Variants in KCNMA1 observed in about 807,000 individuals in gnomAD.
KCNMA1 encodes Calcium-activated potassium channel subunit alpha-1.
KCNMA1 carries 29 observed loss-of-function variants against 140.0 expected under a neutral mutation model. The ratio of observed to expected loss-of-function variants is 0.21; its 90% CI spans 0.15 to 0.28. The LOEUF is 0.28. Ranked by LOEUF, KCNMA1 falls within the 10% of genes least tolerant of loss-of-function variation. The pLI is 1.00. For synonymous variants in KCNMA1, 612 were observed against 611.9 expected, an observed-to-expected ratio of 1.00 and a Z score of 0.00; for missense variants, 880 against 1,602.2, an observed-to-expected ratio of 0.55 and a Z score of 7.70.
At chr10:77,502,428 C>T (rs185406010) in intron 1 of KCNMA1, among the ~76,000 whole-genome samples, 1 of 152,308 alleles carries the variant, frequency 6.6e-6, no homozygotes, top group Admixed American at 6.5e-5. Flanking sequence ...TGCCCGAATG[C>T]TCTCATGTTT....
chr10:77,221,179 C>T (rs993453879), intron 3 of KCNMA1, among the ~76,000 whole-genome samples: 1 of 152,178 alleles, frequency 6.6e-6, no homozygotes, highest in Non-Finnish European at 1.5e-5. Flanking sequence ...CATCCAGTTC[C>T]TCTTCCCCTC....
chr10:77,424,725 AACAGAC>A (rs2096939891), intron 1 of KCNMA1, among the ~76,000 whole-genome samples: 1 of 152,204 alleles, frequency 6.6e-6, no homozygotes, highest in Non-Finnish European at 1.5e-5. Flanking sequence ...AAATGGCAGG[AACAGAC>A]TGATTTAATG....
At chr10:76,880,936 TTAA>T (rs1418190715), downstream of KCNMA1, among the ~76,000 whole-genome samples, 2 of 152,228 alleles carry the variant, frequency 1.3e-5, no homozygotes, top group South Asian at 2.1e-4. Context: ...GCCTTATTTC[TTAA>T]TAAGCTTCTT....
At chr10:77,052,918 C>A (rs1106657) in intron 14 of KCNMA1, among the ~76,000 whole-genome samples, 4,314 of 152,248 alleles carry the variant, frequency 0.028, 232 homozygotes, top group East Asian at 0.22. Flanking sequence ...GCCGAAAAAC[C>A]GTATCAAAGT....
intron 3 of KCNMA1, among the ~76,000 whole-genome samples, chr10:77,205,194 A>T (rs1269673811): frequency 3.3e-5 from 5 of 152,194 alleles, no homozygotes; most frequent in Non-Finnish European, 5.9e-5. Flanking sequence ...CACAGAGGTG[A>T]TTGAAGCCCC....
intron 5 of KCNMA1, among the ~76,000 whole-genome samples, chr10:77,167,764 C>T (rs549278278): frequency 1.3e-4 from 19 of 151,788 alleles, no homozygotes; most frequent in Non-Finnish European, 1.9e-4. Context: ...TCTTGTCTCA[C>T]TGCAGCCTCG....
chr10:76,972,158 C>A (rs1225483169), intron 19 of KCNMA1, among the ~76,000 whole-genome samples: 2 of 152,160 alleles, frequency 1.3e-5, no homozygotes, highest in African/African-American at 4.8e-5. Context: ...GAGCAAATAA[C>A]ACGTGTGTGT....
At chr10:77,495,570 T>G (rs775528651) in intron 1 of KCNMA1, among the ~76,000 whole-genome samples, 2 of 152,194 alleles carry the variant, frequency 1.3e-5, no homozygotes, top group Non-Finnish European at 1.5e-5. Flanking sequence ...TTCTCATTCA[T>G]GAAAGGGAGA....
At chr10:77,126,687 C>T (rs529884230) in intron 5 of KCNMA1, among the ~76,000 whole-genome samples, 2 of 151,502 alleles carry the variant, frequency 1.3e-5, no homozygotes, top group Admixed American at 6.6e-5. Flanking sequence ...TCACCTGGGG[C>T]TACATCCCCT....
chr10:77,262,909 T>C lies in KCNMA1; in HGVS notation c.541-11653A>G, dbSNP rs147233405. Among the ~76,000 whole-genome samples, 358 of 152,262 alleles carry C rather than the reference T, an allele frequency of 2.4e-3. 3 individuals are homozygous for C. The highest frequency in any genetic ancestry group is 8.2e-3 in the African/African-American group (339 of 41,548). On this transcript the variant is annotated intron_variant, in intron 2 of 27. Coordinates refer to ENST00000286628, the MANE Select transcript of KCNMA1 (RefSeq NM_001161352.2). ...TGGCAATGCAAATAACTAGTACAGA[T>C]AGTGATGATGATTGCACAATGTGAA...
At chr10:77,083,654 C>T (rs1300076968) in intron 12 of KCNMA1, among the ~76,000 whole-genome samples, 1 of 151,804 alleles carries the variant, frequency 6.6e-6, no homozygotes, top group Non-Finnish European at 1.5e-5. Flanking sequence ...CATAGCAAGA[C>T]CCTGTCCCTA....
chr10:77,507,654 T>C (rs530630562), intron 1 of KCNMA1, among the ~76,000 whole-genome samples: 1 of 152,276 alleles, frequency 6.6e-6, no homozygotes, highest in South Asian at 2.1e-4. Context: ...AGCTCCAAGA[T>C]CTGAAGGGAC....
intron 3 of KCNMA1, among the ~76,000 whole-genome samples, chr10:77,199,297 C>T (rs894751685): frequency 1.3e-5 from 2 of 152,130 alleles, no homozygotes; most frequent in Admixed American, 1.3e-4. Context: ...GTTTTGGAGA[C>T]ATATAATTCA....
chr10:77,284,510 A>G (rs763776990), intron 2 of KCNMA1, among the ~76,000 whole-genome samples: 2 of 151,276 alleles, frequency 1.3e-5, no homozygotes, highest in African/African-American at 4.8e-5. Flanking sequence ...TGTTGTTGTT[A>G]TTATTATTAT....
At chr10:77,513,926 G>T (rs927948674) in intron 1 of KCNMA1, among the ~76,000 whole-genome samples, 2 of 152,168 alleles carry the variant, frequency 1.3e-5, no homozygotes, top group African/African-American at 4.8e-5. Flanking sequence ...CCTGCATCTG[G>T]GCCCCTCTCA....
intron 1 of KCNMA1, among the ~76,000 whole-genome samples, chr10:77,589,010 T>G (rs1603637809): frequency 6.6e-6 from 1 of 152,308 alleles, no homozygotes; most frequent in East Asian, 1.9e-4. Flanking sequence ...CTGTAGCAAA[T>G]GCTCACCTCT....
chr10:77,632,052 G>A (rs1427435709), intron 1 of KCNMA1, among the ~76,000 whole-genome samples: 1 of 152,202 alleles, frequency 6.6e-6, no homozygotes, highest in East Asian at 1.9e-4. Context: ...CTGAACCTTG[G>A]GCACTGCACA....
chr10:77,014,149 C>T (rs1291188153), intron 17 of KCNMA1, among the ~76,000 whole-genome samples: 1 of 152,170 alleles, frequency 6.6e-6, no homozygotes, highest in African/African-American at 2.4e-5. Flanking sequence ...ACTGTCTTGG[C>T]TGGGTGTGGC....
intron 3 of KCNMA1, among the ~76,000 whole-genome samples, chr10:77,218,989 A>AT (rs1025816936): frequency 4.6e-5 from 7 of 151,782 alleles, no homozygotes; most frequent in Non-Finnish European, 8.8e-5. Context: ...GCCTGGCCTT[A>AT]TTTTTTTTAT....
Sources: gnomAD v4.1 joint callset for allele counts (sites outside exome capture counted in the v4.1 genomes callset) on GRCh38, gnomAD v4.1.1 for gene constraint, MANE v1.5 for transcripts, NCBI Gene and HGNC (gene_info 2026-07-23, HGNC 2026-07-21) for gene names.